PUS10: variants seen among roughly 807,000 people sequenced by gnomAD.
PUS10 encodes tRNA pseudouridine synthase Pus10.
In PUS10, 59 loss-of-function variants were observed where a neutral mutation model predicts 75.0. The ratio of observed to expected loss-of-function variants is 0.79; its 90% CI spans 0.64 to 0.98. PUS10 has a LOEUF of 0.98. Ranked by LOEUF, PUS10 falls within the 50% of genes least tolerant of loss-of-function variation. The pLI, the probability that PUS10 is intolerant of heterozygous loss-of-function variation, is 0.00. For missense variants in PUS10, 650 were observed against 614.4 expected (o/e 1.06, Z -0.61); for synonymous variants, 219 against 211.6 (o/e 1.03, Z -0.30).
At chr2:60,947,961 C>G (rs888574907) in intron 16 of PUS10, 82 bp downstream of exon 16, 44 of 1,476,150 alleles carry the variant, frequency 3.0e-5, no homozygotes, top group Non-Finnish European at 4.1e-5. Flanking sequence ...CCAGACCAAG[C>G]TGACCCTGTT....
chr2:61,017,138 C>T (rs1337929608), intron 1 of PUS10: 2 of 152,524 alleles, frequency 1.3e-5, no homozygotes, highest in Admixed American at 6.5e-5. Flanking sequence ...ACTCCTTCAC[C>T]TCTTACCTAC....
chr2:60,953,837 T>G, intron 14 of PUS10, 96 bp downstream of exon 14: 2 of 901,594 alleles, frequency 2.2e-6, no homozygotes, highest in Non-Finnish European at 3.6e-6. Context: ...TTGTTAAGAG[T>G]TCTTTATATA....
At chr2:61,014,881 T>C (rs1460940061) in intron 1 of PUS10, among the ~76,000 whole-genome samples, 1 of 152,182 alleles carries the variant, frequency 6.6e-6, no homozygotes, top group African/African-American at 2.4e-5. Flanking sequence ...AGTTGCTAAA[T>C]GTTTGGGGCC....
intron 16 of PUS10, among the ~76,000 whole-genome samples, chr2:60,946,882 G>A (rs1674978390): frequency 6.6e-6 from 1 of 151,748 alleles, no homozygotes; most frequent in Admixed American, 6.6e-5. Context: ...ACATACAATA[G>A]TACATTAGTT....
rs548997851 is a variant in PUS10, at chr2:60,961,347, T to G, written c.874+116A>C. The stretch of plus-strand genomic sequence containing the variant: ...CTATTGATTCTACTTCTCAAGAGAG[T>G]AAACTTATTAGAATCTAATAACAAC... On this transcript the variant is annotated intron_variant, in intron 10 of 17. Transcript: ENST00000316752. 1.4e-4 allele frequency: 117 copies of G among 811,392 alleles called. 2 individuals carry two copies. In the South Asian group the frequency reaches 1.9e-3, roughly 13 times the overall value. The allele number at this position is 811,392 out of a possible 1,614,324, so 50.3% of individuals were successfully genotyped here. A position where few individuals can be genotyped will look rare whatever the true frequency, so the allele number is the denominator to read the frequency against.
At chr2:60,971,067 T>C (rs1158282616) in intron 5 of PUS10, among the ~76,000 whole-genome samples, 1 of 151,490 alleles carries the variant, frequency 6.6e-6, no homozygotes, top group East Asian at 1.9e-4. Context: ...GTAATCCCAG[T>C]TACTTGGGAG....
intron 4 of PUS10, among the ~76,000 whole-genome samples, chr2:60,971,996 G>C (rs2104420357): frequency 6.8e-6 from 1 of 147,632 alleles, no homozygotes; most frequent in South Asian, 2.1e-4. Context: ...TCAGTCTTCT[G>C]AGTAGCTGGT....
chr2:61,004,605 C>A (rs1209265988), intron 4 of PUS10, among the ~76,000 whole-genome samples: 1 of 115,418 alleles, frequency 8.7e-6, no homozygotes, highest in South Asian at 2.9e-4. Flanking sequence ...CTCCAGCCTG[C>A]GTGACAGAGA....
chr2:60,942,488 T>C (rs770527586), intron 17 of PUS10, 55 bp from the exon 18 acceptor site: 9 of 1,286,372 alleles, frequency 7.0e-6, no homozygotes, highest in African/African-American at 1.5e-5. Context: ...GGTAAGCATT[T>C]GCTGGTAATG....
chr2:60,951,673 A>G (rs533102949), intron 15 of PUS10, among the ~76,000 whole-genome samples: 49 of 152,292 alleles, frequency 3.2e-4, no homozygotes, highest in Admixed American at 7.2e-4. Context: ...ATATAGATGA[A>G]GCTTTGCTGT....
intron 8 of PUS10, among the ~76,000 whole-genome samples, chr2:60,963,380 G>A (rs1414171857): frequency 6.6e-6 from 1 of 152,200 alleles, no homozygotes; most frequent in Non-Finnish European, 1.5e-5. Flanking sequence ...GCCAGCCCTG[G>A]CATCTAGCAA....
intron 8 of PUS10, among the ~76,000 whole-genome samples, chr2:60,963,159 C>T (rs1485237910): frequency 6.6e-6 from 1 of 152,226 alleles, no homozygotes; most frequent in East Asian, 1.9e-4. Context: ...AGGTCTTCTT[C>T]ACCACACTGT....
chr2:60,974,678 C>A (rs1676919369), intron 4 of PUS10, among the ~76,000 whole-genome samples: 1 of 152,172 alleles, frequency 6.6e-6, no homozygotes, highest in Non-Finnish European at 1.5e-5. Flanking sequence ...TCCCCGGGGT[C>A]AGCTGTGGAA....
chr2:61,000,489 C>T (rs1165533504), intron 4 of PUS10, among the ~76,000 whole-genome samples: 1 of 152,174 alleles, frequency 6.6e-6, no homozygotes, highest in African/African-American at 2.4e-5. Context: ...AATCAAGGTG[C>T]CAGCAGGGCT....
chr2:60,956,749 G>A (rs1167340576), intron 11 of PUS10, among the ~76,000 whole-genome samples: 1 of 152,098 alleles, frequency 6.6e-6, no homozygotes, highest in Non-Finnish European at 1.5e-5. Context: ...GCTAAGGCAG[G>A]TGGATCACGA....
chr2:60,978,111 G>A (rs534861900), intron 4 of PUS10, among the ~76,000 whole-genome samples: 15 of 152,114 alleles, frequency 9.9e-5, no homozygotes, highest in African/African-American at 2.7e-4. Flanking sequence ...TCTGAGCTTC[G>A]AAGGATCAGC....
Position 61,011,733 on chromosome 2 carries a change from T to A in PUS10, c.126+32A>T, listed in dbSNP as rs767255722. On this transcript the variant is annotated intron_variant, in intron 2 of 17. Coordinates refer to ENST00000316752, the MANE Select transcript of PUS10 (RefSeq NM_144709.4). ...TAAAATACAGAGAACCTTCTCTTAATTTGAAAAAAAAAAAAAAAGAAAAGA... is the reference window on the plus strand; with the variant it reads ...TAAAATACAGAGAACCTTCTCTTAAATTGAAAAAAAAAAAAAAAGAAAAGA... 2.8e-6 allele frequency: 4 copies of A among 1,416,928 alleles called. No homozygotes were observed. In the African/African-American group the frequency reaches 5.9e-5, roughly 21 times the overall value. 87.8% of individuals were successfully genotyped at this position (1,416,928 alleles called of 1,614,324 possible).
intron 1 of PUS10, among the ~76,000 whole-genome samples, chr2:61,015,094 C>T (rs1198700129): frequency 1.3e-5 from 2 of 152,146 alleles, no homozygotes; most frequent in Non-Finnish European, 2.9e-5. Context: ...GACAAGGTGA[C>T]AACTTTGAAA....
intron 4 of PUS10, among the ~76,000 whole-genome samples, chr2:61,001,219 A>C (rs1432485866): frequency 6.6e-6 from 1 of 152,106 alleles, no homozygotes; most frequent in Non-Finnish European, 1.5e-5. Flanking sequence ...GCAATTCTTG[A>C]AAGCTTCTAT....
Sources: gnomAD v4.1 joint callset for allele counts (sites outside exome capture counted in the v4.1 genomes callset) on GRCh38, gnomAD v4.1.1 for gene constraint, MANE v1.5 for transcripts, NCBI Gene and HGNC (gene_info 2026-07-23, HGNC 2026-07-21) for gene names.